Variants in EOLA1 observed in about 807,000 individuals in gnomAD.
EOLA1 encodes the protein endothelium and lymphocyte associated ASCH domain 1.
EOLA1 carries 1 observed loss-of-function variant against 4.5 expected under a neutral mutation model. That is an observed-to-expected ratio of 0.22 (90% CI 0.08 to 1.05). The LOEUF is 1.05. EOLA1 is among the 50% of genes least tolerant of loss of function. EOLA1 has a pLI of 0.57. For synonymous variants in EOLA1, 37 were observed against 52.3 expected (o/e 0.71, Z 1.26); for missense variants, 69 against 127.2 (o/e 0.54, Z 2.20).
At chrX:149,540,810 T>C (rs1460184934), upstream of EOLA1, 5 of 112,195 alleles carry the variant, frequency 4.5e-5, no homozygotes, top group Non-Finnish European at 7.5e-5. Flanking sequence ...GTAAAGAGAA[T>C]AGCGTCTCCT....
chrX:149,549,451 C>G, downstream of EOLA1: 1 of 1,165,406 alleles, frequency 8.6e-7, no homozygotes, highest in Non-Finnish European at 1.1e-6. Context: ...TGAAACTCGT[C>G]AAGCTGTCTG....
In EOLA1 at chrX:149,546,732, T is replaced by A; in HGVS notation, c.254-7T>A. 1 of 1,193,511 alleles carries A rather than the reference T, an allele frequency of 8.4e-7. No homozygotes were observed. The highest frequency in any genetic ancestry group is 1.1e-6 in the Non-Finnish European group (1 of 886,203). On this transcript the variant is annotated splice_region_variant and splice_polypyrimidine_tract_variant and intron_variant, in intron 4 of 4. Coordinates refer to ENST00000393985, the MANE Select transcript of EOLA1 (RefSeq NM_001171907.3). ...AGGCATTCATGTGTATCTCTCTTTG[T>A]GTACAGGACTCGTTGACATTGGGGA...
chrX:149,541,898 A>G, intron 1 of EOLA1, 121 bp from the exon 2 acceptor site: 2 of 615,925 alleles, frequency 3.2e-6, no homozygotes, highest in Non-Finnish European at 3.9e-6. Flanking sequence ...TGATAAGACC[A>G]GGCCTCCCAG....
chrX:149,548,592 G>A (rs782216956), downstream of EOLA1: 561 of 880,992 alleles, frequency 6.4e-4, 10 homozygotes, highest in African/African-American at 0.012. Context: ...TCCCAACTTG[G>A]GCCATTTGGT....
intron 4 of EOLA1, among the ~76,000 whole-genome samples, chrX:149,546,172 G>C (rs2089840760): frequency 9.4e-6 from 1 of 106,260 alleles, no homozygotes; most frequent in Admixed American, 1.0e-4. Flanking sequence ...TGTGGTGTTT[G>C]GCTGTGTGTA....
In EOLA1 at chrX:149,545,480, C is replaced by A; in HGVS notation, c.-50C>A. On this transcript the variant is annotated 5_prime_UTR_variant, in exon 3 of 5. Transcript: ENST00000393985. ...TGTGGTGCTGGACATCAGTGACAGA[C>A]GGAAGCAGGAGACCATCAAGGTCAG... The A allele has an allele frequency of 3.6e-6, 4 of 1,110,786 alleles. No homozygotes were observed. The highest frequency in any genetic ancestry group is 4.7e-6 in the Non-Finnish European group (4 of 846,469). The allele number at this position is 1,110,786 out of a possible 1,213,427, so 91.5% of individuals were successfully genotyped here. A position where few individuals can be genotyped will look rare whatever the true frequency, so the allele number is the denominator to read the frequency against.
intron 2 of EOLA1, 139 bp from the exon 3 acceptor site, chrX:149,545,229 C>T: frequency 5.9e-6 from 4 of 682,061 alleles, no homozygotes; most frequent in Non-Finnish European, 7.2e-6. Flanking sequence ...TCCCTCTGTG[C>T]TGGAAGAGGG....
chrX:149,544,191 A>G (rs2089789083), intron 2 of EOLA1, among the ~76,000 whole-genome samples: 1 of 57,812 alleles, frequency 1.7e-5, no homozygotes, highest in Admixed American at 2.0e-4. Flanking sequence ...GGAGTGAGCC[A>G]GAGGAGCAGG....
rs1557347957 is a variant in EOLA1 at position 149,546,800 on chromosome X, G to A, written c.315G>A (p.Val105=). Residue 105 remains valine, a synonymous_variant, in exon 5 of 5, where the codon GTG becomes GTA. Coordinates refer to ENST00000393985, the MANE Select transcript of EOLA1 (RefSeq NM_001171907.3). ...CPEDLTPDEV[V]ELENQAVLTN... Reference sequence around the variant, plus strand: ...AAGACTTAACTCCCGATGAGGTTGTGGAACTAGAAAATCAAGCTGTACTGA... The same window carrying A: ...AAGACTTAACTCCCGATGAGGTTGTAGAACTAGAAAATCAAGCTGTACTGA... The A allele has an allele frequency of 1.7e-5, 21 of 1,211,384 alleles. No individual in the cohort carries two copies. The highest frequency in any genetic ancestry group is 2.3e-5 in the Non-Finnish European group (21 of 895,309).
chrX:149,545,050 C>T (rs2089811950), intron 2 of EOLA1: 7 of 689,839 alleles, frequency 1.0e-5, no homozygotes, highest in Non-Finnish European at 1.2e-5. Context: ...CATCTGAGGT[C>T]ACGGTGCATC....
At chrX:149,544,479 G>T in intron 2 of EOLA1, 1 of 748,276 alleles carries the variant, frequency 1.3e-6, no homozygotes, top group Non-Finnish European at 1.6e-6. Flanking sequence ...GCGGGGCCAC[G>T]GGCCTGAGGG....
At chrX:149,550,414 C>G (rs2089903616), downstream of EOLA1, 1 of 89,879 alleles carries the variant, frequency 1.1e-5, no homozygotes, top group African/African-American at 6.2e-5. Context: ...TTGGCCTGAT[C>G]TGTGTGGTAG....
Position 149,546,723 on chromosome X carries a change from C to T in EOLA1, c.254-16C>T. The T allele has an allele frequency of 8.4e-7, 1 of 1,185,965 alleles. No individual in the cohort carries two copies. Among genetic ancestry groups the T allele is most frequent in the Non-Finnish European group, 1.1e-6 (1 of 881,864 alleles). ...GGAAGTGAAAGGCATTCATGTGTAT[C>T]TCTCTTTGTGTACAGGACTCGTTGA... On this transcript the variant is annotated splice_polypyrimidine_tract_variant and intron_variant, in intron 4 of 4. Coordinates refer to ENST00000393985, the MANE Select transcript of EOLA1 (RefSeq NM_001171907.3).
chrX:149,542,461 C>T (rs1438282339), intron 2 of EOLA1, among the ~76,000 whole-genome samples: 1 of 109,575 alleles, frequency 9.1e-6, no homozygotes, highest in Non-Finnish European at 1.9e-5. Flanking sequence ...TGGCAGATAT[C>T]AGCATCTTAG....
intron 4 of EOLA1, among the ~76,000 whole-genome samples, chrX:149,546,242 C>G (rs1452462656): frequency 1.0e-5 from 1 of 96,921 alleles, no homozygotes; most frequent in Non-Finnish European, 2.1e-5. Flanking sequence ...CAGCCCAGCC[C>G]GCCGAATGGG....
At chrX:149,542,297 C>T (rs1180154344) in intron 2 of EOLA1, among the ~76,000 whole-genome samples, 112 of 111,335 alleles carry the variant, frequency 1.0e-3, no homozygotes, top group African/African-American at 3.3e-3. Flanking sequence ...CATTCAGCCT[C>T]CATCAGAAGT....
At chrX:149,543,765 C>T (rs526046) in intron 2 of EOLA1, among the ~76,000 whole-genome samples, 4,818 of 79,912 alleles carry the variant, frequency 0.06, 320 homozygotes, top group African/African-American at 0.1. Context: ...TGAGTATGTA[C>T]GGGCCTGTCC....
At chrX:149,545,329 G>A (rs1569560770) in intron 2 of EOLA1, 39 bp from the exon 3 acceptor site, 3 of 1,011,090 alleles carry the variant, frequency 3.0e-6, no homozygotes, top group Non-Finnish European at 3.8e-6. Context: ...CTCTGTCATA[G>A]CACTGACCAC....
In EOLA1 at chrX:149,545,413, G is replaced by A; in HGVS notation, c.-117G>A. 4.6e-6 allele frequency: 5 copies of A among 1,081,972 alleles called. No homozygotes were observed. The highest frequency in any genetic ancestry group is 3.4e-5 in the East Asian group (1 of 29,817). 89.2% of individuals were successfully genotyped at this position (1,081,972 alleles called of 1,213,427 possible). A position where few individuals can be genotyped will look rare whatever the true frequency, so the allele number is the denominator to read the frequency against. ...ACCGCCCCAAAGACTCCATGGGATG[G>A]ACCTGAGTCAGCCGAATCCCAGCCC... On this transcript the variant is annotated 5_prime_UTR_variant, in exon 3 of 5. An upstream open reading frame in the 5' UTR gains an earlier in-frame stop. Coordinates refer to ENST00000393985, the MANE Select transcript of EOLA1 (RefSeq NM_001171907.3).
Sources: allele counts gnomAD v4.1 joint callset (sites outside exome capture counted in the v4.1 genomes callset), GRCh38; gene constraint gnomAD v4.1.1; transcripts MANE v1.5; gene names NCBI Gene and HGNC (gene_info 2026-07-23, HGNC 2026-07-21).